Variants in AGL observed in about 807,000 individuals in gnomAD.
AGL encodes the protein glycogen debranching enzyme.
Under a neutral mutation model 199.3 loss-of-function variants are expected in AGL, and 128 were observed. That is an observed-to-expected ratio of 0.64 (90% CI 0.56 to 0.74). AGL has a LOEUF of 0.74. Among genes scored for constraint, AGL ranks in the 30% least tolerant of loss-of-function variants. AGL has a pLI of 0.00. For missense variants in AGL, 1,809 were observed against 1,820.8 expected, an observed-to-expected ratio of 0.99 and a Z score of 0.12; for synonymous variants, 584 against 594.7, an observed-to-expected ratio of 0.98 and a Z score of 0.26.
rs1651974769 is a variant in AGL, at chr1:99,881,066, T to C, written c.1900-10T>C. 6.2e-7 allele frequency: 1 copy of C among 1,610,028 alleles called. No homozygotes were observed. Among genetic ancestry groups the C allele is most frequent in the African/African-American group, 1.3e-5 (1 of 74,842 alleles). ...AAGCAAACTTTTGCTTTGTTGTTGT[T>C]GTCTTCTAGCATAGATCAGCGTATG... is the stretch of plus-strand genomic sequence containing the variant. On this transcript the variant is annotated splice_polypyrimidine_tract_variant and intron_variant, in intron 14 of 33. Transcript: ENST00000361915.
intron 13 of AGL, 61 bp downstream of exon 13, chr1:99,880,107 G>A: frequency 3.1e-6 from 5 of 1,605,036 alleles, no homozygotes; most frequent in East Asian, 2.2e-5. Flanking sequence ...TAGATTAAAG[G>A]ATTTAATAGC....
chr1:99,866,634 A>G (rs1255373685), intron 5 of AGL, among the ~76,000 whole-genome samples: 1 of 152,154 alleles, frequency 6.6e-6, no homozygotes, highest in Non-Finnish European at 1.5e-5. Flanking sequence ...TTTATTACTA[A>G]AGAAAGAAAG....
upstream of AGL, chr1:99,850,047 T>TCGCGAGACTAGCGGTCGGGG (rs1553181224): frequency 1.3e-5 from 2 of 152,296 alleles, no homozygotes; most frequent in African/African-American, 4.8e-5. Flanking sequence ...GCCCACGCTC[T>TCGCGAGACTAGCGGTCGGGG]CGCGAGACTA....
In AGL at chr1:99,922,589, A is replaced by G. The variant is rs542117156; in HGVS notation, c.*938A>G. 3.9e-5 allele frequency: 6 copies of G among 151,962 alleles called. No individual in the cohort carries two copies. Among genetic ancestry groups the G allele is most frequent in the African/African-American group, 1.4e-4 (6 of 41,576 alleles). 9.4% of individuals were successfully genotyped at this position (151,962 alleles called of 1,614,324 possible). A position where few individuals can be genotyped will look rare whatever the true frequency, so the allele number is the denominator to read the frequency against. ...GAATTCAGTAGATATCTTAAATTCA[A>G]TAAAATCACTGGAAGTTTTTCATGA... On this transcript the variant is annotated 3_prime_UTR_variant, in exon 34 of 34. Coordinates refer to ENST00000361915, the MANE Select transcript of AGL (RefSeq NM_000642.3).
At chr1:99,910,666 A>C (rs560447595) in intron 27 of AGL, 46 bp from the exon 28 acceptor site, 2 of 1,171,514 alleles carry the variant, frequency 1.7e-6, no homozygotes, top group East Asian at 5.9e-5. Context: ...TATATACTAT[A>C]TATAATACTT....
intron 26 of AGL, among the ~76,000 whole-genome samples, chr1:99,901,540 G>A (rs958860173): frequency 4.6e-5 from 7 of 152,094 alleles, no homozygotes; most frequent in Non-Finnish European, 4.4e-5. Context: ...TTGGCTTTTT[G>A]TGTAGGATAC....
At chr1:99,900,172 C>T (rs1016968448) in intron 25 of AGL, among the ~76,000 whole-genome samples, 3 of 151,638 alleles carry the variant, frequency 2.0e-5, no homozygotes, top group Admixed American at 6.6e-5. Context: ...TCAGGTGTTC[C>T]GCCCGCCTCG....
chr1:99,867,263 C>T (rs188117499), intron 5 of AGL, among the ~76,000 whole-genome samples: 10 of 152,328 alleles, frequency 6.6e-5, no homozygotes, highest in East Asian at 1.9e-4. Context: ...TTGAAATTGT[C>T]CTACGGATAT....
intron 20 of AGL, among the ~76,000 whole-genome samples, chr1:99,887,688 A>C (rs983785625): frequency 1.4e-4 from 22 of 152,216 alleles, no homozygotes; most frequent in Admixed American, 2.6e-4. Context: ...TTATAAGATA[A>C]AGGATATAGA....
chr1:99,871,308 C>A (rs552522819), intron 7 of AGL, among the ~76,000 whole-genome samples: 1 of 152,082 alleles, frequency 6.6e-6, no homozygotes. Context: ...ACTATTAAGG[C>A]CACCTAACCA....
At chr1:99,855,090 A>G (rs1442560841) in intron 2 of AGL, among the ~76,000 whole-genome samples, 1 of 152,046 alleles carries the variant, frequency 6.6e-6, no homozygotes, top group African/African-American at 2.4e-5. Flanking sequence ...AATCCCAGCT[A>G]CTTGGGAGGC....
rs771961377 is a variant in AGL at position 99,861,538 on chromosome 1, C to G, written c.118C>G (p.Gln40Glu). ...ACAGTTCCGATTAGGCCCAACTTTA[C>G]AGGGAAAAGCAGTTACCGTGTATAC... ...ELQFRLGPTL[Q>E]GKAVTVYTNY... Residue 40 changes from glutamine (Q) to glutamate (E), a missense_variant, in exon 3 of 34, where the codon CAG becomes GAG. Transcript: ENST00000361915. The G allele has an allele frequency of 6.2e-7, 1 of 1,613,960 alleles. No individual in the cohort carries two copies. Among genetic ancestry groups the G allele is most frequent in the Admixed American group, 1.7e-5 (1 of 60,014 alleles).
At chr1:99,915,995 C>T (rs994988448) in intron 31 of AGL, among the ~76,000 whole-genome samples, 23 of 152,074 alleles carry the variant, frequency 1.5e-4, no homozygotes, top group Non-Finnish European at 2.9e-4. Flanking sequence ...TTAAAAATCA[C>T]CTTTCCAATC....
intron 21 of AGL, 38 bp from the exon 22 acceptor site, chr1:99,891,182 T>C: frequency 4.3e-6 from 7 of 1,612,716 alleles, no homozygotes; most frequent in Non-Finnish European, 5.9e-6. Context: ...AAATTGATGC[T>C]ACCAATAATA....
intron 12 of AGL, among the ~76,000 whole-genome samples, chr1:99,878,179 G>T (rs1180196619): frequency 6.6e-6 from 1 of 151,958 alleles, no homozygotes; most frequent in African/African-American, 2.4e-5. Context: ...AGAAGTGACT[G>T]TGAAGGTGAA....
At chr1:99,864,304 A>C in intron 4 of AGL, 82 bp from the exon 5 acceptor site, 9 of 1,244,856 alleles carry the variant, frequency 7.2e-6, no homozygotes, top group Non-Finnish European at 1.1e-5. Context: ...TACTTAAGAA[A>C]GTTTAAATTT....
At chr1:99,877,947 T>C in intron 12 of AGL, 119 bp downstream of exon 12, 1 of 974,554 alleles carries the variant, frequency 1.0e-6, no homozygotes, top group Non-Finnish European at 1.6e-6. Flanking sequence ...AGCATTGATT[T>C]GGTGGTAGTA....
intron 7 of AGL, among the ~76,000 whole-genome samples, chr1:99,873,222 T>G (rs482825): frequency 6.6e-6 from 1 of 152,122 alleles, no homozygotes; most frequent in Non-Finnish European, 1.5e-5. Context: ...GATTTGTATT[T>G]TTAAAATTAT....
chr1:99,887,996 T>G lies in AGL; in HGVS notation c.2700T>G (p.Thr900=), dbSNP rs781347949. 44 of 1,613,388 alleles carry G rather than the reference T, an allele frequency of 2.7e-5. No individual in the cohort carries two copies. Among genetic ancestry groups the G allele is most frequent in the Non-Finnish European group, 1.7e-6 (2 of 1,179,610 alleles). The change falls in exon 21 of 34, where the codon ACT becomes ACG. Residue 900 remains threonine, a synonymous_variant. Coordinates refer to ENST00000361915, the MANE Select transcript of AGL (RefSeq NM_000642.3). The stretch of plus-strand genomic sequence containing the variant: ...TTCTTAGTCTTGCCTCCAGATTAAC[T>G]TTGGCTGAGCTAAATCAGATCCTTT... The part of the protein sequence containing the change: ...IPFASLASRL[T]LAELNQILYR...
Sources: gnomAD v4.1 joint callset for allele counts (sites outside exome capture counted in the v4.1 genomes callset) on GRCh38, gnomAD v4.1.1 for gene constraint, MANE v1.5 for transcripts, NCBI Gene and HGNC (gene_info 2026-07-23, HGNC 2026-07-21) for gene names.